Variants in THRB observed in about 807,000 individuals in gnomAD.
The protein encoded by THRB is nuclear receptor subfamily 1 group A member 2.
THRB carries 12 observed loss-of-function variants against 47.8 expected under a neutral mutation model. That is an observed-to-expected ratio of 0.25 (90% CI 0.16 to 0.41). The LOEUF is 0.41. THRB is among the 10% of genes least tolerant of loss of function. The pLI is 1.00. For missense variants in THRB, 348 were observed against 589.2 expected (o/e 0.59, Z 4.24); for synonymous variants, 218 against 212.2 (o/e 1.03, Z -0.24).
rs557510788 is a variant in THRB at position 24,253,646 on chromosome 3, T to C, written c.-42-24645A>G. Among the ~76,000 whole-genome samples the C allele has an allele frequency of 5.3e-5, 8 of 152,314 alleles. 1 individual carries two copies. The East Asian group carries it at 1.4e-3, about 26-fold the overall frequency. Reference sequence around the variant, plus strand: ...GTCACATGGGGCTGTGGAAAGAGTTTTGCCAGATCTTCAGATTTTCCAAGG... The same window carrying C: ...GTCACATGGGGCTGTGGAAAGAGTTCTGCCAGATCTTCAGATTTTCCAAGG... On this transcript the variant is annotated intron_variant, in intron 3 of 10. Coordinates refer to ENST00000646209, the MANE Select transcript of THRB (RefSeq NM_001354712.2).
intron 5 of THRB, among the ~76,000 whole-genome samples, chr3:24,162,686 CA>C (rs368706028): frequency 2.8e-3 from 336 of 120,620 alleles, no homozygotes; most frequent in East Asian, 0.024. Flanking sequence ...GCTATGAATG[CA>C]AAAAAAAAAA....
intron 1 of THRB, among the ~76,000 whole-genome samples, chr3:24,365,851 AT>A (rs1312300744): frequency 6.6e-6 from 1 of 152,188 alleles, no homozygotes; most frequent in Non-Finnish European, 1.5e-5. Flanking sequence ...ATACTAATTC[AT>A]TTAGAGTTTC....
At chr3:24,295,968 C>T (rs2056412713) in intron 3 of THRB, among the ~76,000 whole-genome samples, 1 of 152,188 alleles carries the variant, frequency 6.6e-6, no homozygotes, top group Non-Finnish European at 1.5e-5. Flanking sequence ...CATTTAACCA[C>T]CTTTGGCTAG....
chr3:24,407,456 A>C (rs1428150611), intron 1 of THRB, among the ~76,000 whole-genome samples: 1 of 151,826 alleles, frequency 6.6e-6, no homozygotes, highest in Non-Finnish European at 1.5e-5. Flanking sequence ...CTGACACTGC[A>C]CTTCTTTATG....
chr3:24,159,727 CTGTGTGTGTGTG>C (rs67972581), intron 5 of THRB, among the ~76,000 whole-genome samples: 36,232 of 145,236 alleles, frequency 0.25, 4,548 homozygotes, highest in Admixed American at 0.33. Context: ...GCCACAACTG[CTGTGTGTGTGTG>C]TGTGTGTGTG....
At chr3:24,264,013 A>T (rs1223890715) in intron 3 of THRB, among the ~76,000 whole-genome samples, 1 of 152,174 alleles carries the variant, frequency 6.6e-6, no homozygotes, top group Admixed American at 6.5e-5. Flanking sequence ...TCTTACTGAC[A>T]TTAATGTCTA....
intron 6 of THRB, among the ~76,000 whole-genome samples, chr3:24,150,219 C>T (rs1019529671): frequency 1.1e-4 from 16 of 152,202 alleles, no homozygotes; most frequent in African/African-American, 3.6e-4. Flanking sequence ...AAAGGATTCT[C>T]TCCATACACA....
chr3:24,204,927 A>C (rs953803551), intron 4 of THRB, among the ~76,000 whole-genome samples: 7 of 152,218 alleles, frequency 4.6e-5, no homozygotes, highest in Non-Finnish European at 1.0e-4. Context: ...AATGAATGAA[A>C]TGAAGCAAGA....
intron 5 of THRB, among the ~76,000 whole-genome samples, chr3:24,162,530 T>C (rs1055399133): frequency 1.1e-4 from 17 of 152,328 alleles, no homozygotes; most frequent in African/African-American, 3.8e-4. Context: ...TTCTGCATTT[T>C]AGGCCTCCTC....
intron 9 of THRB, among the ~76,000 whole-genome samples, chr3:24,130,527 A>C (rs1575286760): frequency 6.6e-6 from 1 of 152,156 alleles, no homozygotes; most frequent in Non-Finnish European, 1.5e-5. Context: ...TGACAGACTC[A>C]GTAGAGTTCC....
At chr3:24,168,335 G>T (rs2039931013) in intron 5 of THRB, among the ~76,000 whole-genome samples, 1 of 152,006 alleles carries the variant, frequency 6.6e-6, no homozygotes, top group Admixed American at 6.6e-5. Context: ...CACAAATGGG[G>T]TAAGCTTCAG....
At chr3:24,203,313 C>G (rs1283771340) in intron 4 of THRB, among the ~76,000 whole-genome samples, 1 of 152,102 alleles carries the variant, frequency 6.6e-6, no homozygotes, top group Non-Finnish European at 1.5e-5. Flanking sequence ...ACTTAGGAGG[C>G]TGAGGTGGGA....
rs1375900560 is a variant in THRB, at chr3:24,358,931, G to C, written c.-260-21560C>G. Among the ~76,000 whole-genome samples, 5 of 152,174 alleles carry C rather than the reference G, an allele frequency of 3.3e-5. No individual in the cohort carries two copies. In the East Asian group the frequency reaches 9.7e-4, roughly 29 times the overall value. ...TCCTGAATGTTCTTTATGCTCTCAC[G>C]ACTTCCTTGATATACACAAATAAAA... is the stretch of plus-strand genomic sequence containing the variant. On this transcript the variant is annotated intron_variant, in intron 1 of 10. Transcript: ENST00000646209.
At chr3:24,171,729 C>T (rs2040469330) in intron 5 of THRB, among the ~76,000 whole-genome samples, 2 of 152,044 alleles carry the variant, frequency 1.3e-5, no homozygotes, top group South Asian at 4.2e-4. Context: ...GATTGACTGT[C>T]CCTCCTCAGC....
At chr3:24,417,977 C>G (rs2150251900) in intron 1 of THRB, among the ~76,000 whole-genome samples, 1 of 151,988 alleles carries the variant, frequency 6.6e-6, no homozygotes, top group East Asian at 2.0e-4. Context: ...TATGTGCTTT[C>G]AACAATACTG....
chr3:24,399,084 G>C (rs867457677), intron 1 of THRB, among the ~76,000 whole-genome samples: 3 of 151,894 alleles, frequency 2.0e-5, no homozygotes, highest in East Asian at 1.9e-4. Flanking sequence ...GTTGTGGGGT[G>C]GGGGGAGTGG....
chr3:24,222,854 C>T (rs1576052425), intron 4 of THRB, among the ~76,000 whole-genome samples: 1 of 152,312 alleles, frequency 6.6e-6, no homozygotes, highest in East Asian at 1.9e-4. Context: ...TTCATGGCAG[C>T]ATTCGTAATG....
At chr3:24,407,190 T>C (rs577556589) in intron 1 of THRB, among the ~76,000 whole-genome samples, 6 of 151,906 alleles carry the variant, frequency 3.9e-5, no homozygotes, top group South Asian at 2.1e-4. Context: ...GGCATAGGCA[T>C]TTCTCCAGGC....
intron 1 of THRB, among the ~76,000 whole-genome samples, chr3:24,470,324 C>T (rs2074467323): frequency 6.6e-6 from 1 of 152,298 alleles, no homozygotes; most frequent in African/African-American, 2.4e-5. Context: ...CAGTCAACAA[C>T]TGGAGAGGAG....
Sources: allele counts gnomAD v4.1 joint callset (sites outside exome capture counted in the v4.1 genomes callset), GRCh38; gene constraint gnomAD v4.1.1; transcripts MANE v1.5; gene names NCBI Gene and HGNC (gene_info 2026-07-23, HGNC 2026-07-21).